CDK6: variants seen among roughly 807,000 people sequenced by gnomAD.
CDK6 encodes cyclin-dependent kinase 6.
A neutral mutation model predicts 37.1 loss-of-function variants in CDK6; 6 were observed. The observed-to-expected ratio is 0.16, with a 90% CI of 0.09 to 0.32. The LOEUF (loss-of-function observed/expected upper bound fraction) is 0.32, where lower values mean the gene tolerates loss of function less well. Ranked by LOEUF, CDK6 falls within the 10% of genes least tolerant of loss-of-function variation. CDK6 has a pLI of 1.00. For missense variants in CDK6, 224 were observed against 418.9 expected (o/e 0.53, Z 4.06); for synonymous variants, 160 against 161.3 (o/e 0.99, Z 0.06).
At chr7:92,723,541 C>T (rs559825603) in intron 4 of CDK6, among the ~76,000 whole-genome samples, 67 of 152,168 alleles carry the variant, frequency 4.4e-4, no homozygotes, top group Non-Finnish European at 7.1e-4. Context: ...TATAAATCGA[C>T]GCATTACTAT....
intron 5 of CDK6, among the ~76,000 whole-genome samples, chr7:92,644,430 C>T (rs1289170428): frequency 1.3e-5 from 2 of 152,174 alleles, no homozygotes; most frequent in Non-Finnish European, 2.9e-5. Context: ...TGGCTGTGTA[C>T]TCTCTTCATG....
intron 3 of CDK6, among the ~76,000 whole-genome samples, chr7:92,735,161 A>G (rs1798755228): frequency 6.6e-6 from 1 of 152,240 alleles, no homozygotes; most frequent in South Asian, 2.1e-4. Flanking sequence ...CTCTTACTCC[A>G]GTGTTACTAA....
At chr7:92,769,840 T>C (rs1799667640) in intron 3 of CDK6, among the ~76,000 whole-genome samples, 1 of 151,960 alleles carries the variant, frequency 6.6e-6, no homozygotes, top group South Asian at 2.1e-4. Flanking sequence ...GATGAAAGCA[T>C]GAAAGAGAAA....
intron 2 of CDK6, among the ~76,000 whole-genome samples, chr7:92,817,273 A>T (rs1351422433): frequency 6.6e-6 from 1 of 152,018 alleles, no homozygotes; most frequent in Non-Finnish European, 1.5e-5. Flanking sequence ...AATATTCTTA[A>T]CAAAATTTTA....
At chr7:92,726,390 T>C (rs1798513209) in intron 3 of CDK6, among the ~76,000 whole-genome samples, 2 of 152,266 alleles carry the variant, frequency 1.3e-5, no homozygotes, top group South Asian at 4.1e-4. Flanking sequence ...CCCAAAGTCA[T>C]ACTAGCAAGA....
chr7:92,718,099 C>A (rs1225570621), intron 4 of CDK6, among the ~76,000 whole-genome samples: 1 of 152,196 alleles, frequency 6.6e-6, no homozygotes, highest in African/African-American at 2.4e-5. Context: ...GCACTGCCCC[C>A]ATTGTGTTCC....
intron 5 of CDK6, among the ~76,000 whole-genome samples, chr7:92,628,258 G>A (rs532282830): frequency 8.6e-5 from 13 of 151,318 alleles, no homozygotes; most frequent in South Asian, 8.3e-4. Context: ...TCTATACTGC[G>A]TTTTATGAGT....
rs776722264 is a variant in CDK6, at chr7:92,611,561, G to C, written c.*3579C>G. 2.3e-4 allele frequency: 52 copies of C among 228,054 alleles called. No individual in the cohort carries two copies. Among genetic ancestry groups the C allele is most frequent in the Admixed American group, 7.4e-4 (13 of 17,622 alleles). The allele number at this position is 228,054 out of a possible 1,614,324, so 14.1% of individuals were successfully genotyped here. A position where few individuals can be genotyped will look rare whatever the true frequency, so the allele number is the denominator to read the frequency against. On this transcript the variant is annotated 3_prime_UTR_variant, in exon 8 of 8. Coordinates refer to ENST00000424848, the MANE Select transcript of CDK6 (RefSeq NM_001145306.2). ...ATAATGGCCATTACTGACTTTAATA[G>C]GCACCACTTGTAAAAGAAGCAGCTA... is the stretch of plus-strand genomic sequence containing the variant.
intron 2 of CDK6, among the ~76,000 whole-genome samples, chr7:92,811,317 G>T (rs1800878166): frequency 3.9e-5 from 6 of 152,058 alleles, no homozygotes. Context: ...CCCCAATGTA[G>T]CAGGGTACTT....
chr7:92,624,635 A>G (rs913960991), intron 5 of CDK6, among the ~76,000 whole-genome samples: 1 of 152,190 alleles, frequency 6.6e-6, no homozygotes, highest in African/African-American at 2.4e-5. Flanking sequence ...CCAAATTCAT[A>G]AAGAATCACG....
At chr7:92,722,045 A>G (rs1295812350) in intron 4 of CDK6, among the ~76,000 whole-genome samples, 1 of 152,188 alleles carries the variant, frequency 6.6e-6, no homozygotes, top group Non-Finnish European at 1.5e-5. Flanking sequence ...ACTTAAAATG[A>G]AAATAAATAC....
intron 4 of CDK6, among the ~76,000 whole-genome samples, chr7:92,692,111 ACAAAATTAG>A (rs1377141015): frequency 2.0e-5 from 3 of 151,992 alleles, no homozygotes; most frequent in Admixed American, 2.0e-4. Context: ...CTATTAAAAT[ACAAAATTAG>A]CCAGGCATGG....
At chr7:92,825,540 C>G (rs528575142) in intron 2 of CDK6, among the ~76,000 whole-genome samples, 14 of 152,162 alleles carry the variant, frequency 9.2e-5, no homozygotes, top group African/African-American at 3.4e-4. Flanking sequence ...AAGTATACTT[C>G]TTAATTAAAC....
rs559226165 is a variant in CDK6, at chr7:92,612,951, C to A, written c.*2189G>T. The A allele has an allele frequency of 4.5e-4, 104 of 233,108 alleles. No homozygotes were observed. Among genetic ancestry groups the A allele is most frequent in the African/African-American group, 2.2e-3 (102 of 45,454 alleles). 14.4% of individuals were successfully genotyped at this position (233,108 alleles called of 1,614,324 possible). A position where few individuals can be genotyped will look rare whatever the true frequency, so the allele number is the denominator to read the frequency against. On this transcript the variant is annotated 3_prime_UTR_variant, in exon 8 of 8. Transcript: ENST00000424848. ...CCTCGATCAAAGGAAAGGCAGAACT[C>A]ACTTTTCCATGTGAGACTTTGAGTA...
In CDK6 at chr7:92,605,006, G is replaced by T. The variant is rs934303793; in HGVS notation, c.*10134C>A. 1.3e-5 allele frequency: 3 copies of T among 225,424 alleles called. No individual in the cohort carries two copies. The Admixed American group carries it at 1.7e-4, about 13-fold the overall frequency. 14.0% of individuals were successfully genotyped at this position (225,424 alleles called of 1,614,324 possible). A position where few individuals can be genotyped will look rare whatever the true frequency, so the allele number is the denominator to read the frequency against. On this transcript the variant is annotated 3_prime_UTR_variant, in exon 8 of 8. Coordinates refer to ENST00000424848, the MANE Select transcript of CDK6 (RefSeq NM_001145306.2). ...AAAGTAAAAAAGAAAATAGCCAGGA[G>T]AGTAATTCATCTCCAGAAAGCAGTT...
At chr7:92,660,429 G>C (rs1322853598) in intron 5 of CDK6, among the ~76,000 whole-genome samples, 1 of 152,164 alleles carries the variant, frequency 6.6e-6, no homozygotes, top group Non-Finnish European at 1.5e-5. Flanking sequence ...GGGGCCAAAA[G>C]GTAGGTCTCT....
At chr7:92,759,812 A>T (rs768432924) in intron 3 of CDK6, among the ~76,000 whole-genome samples, 1 of 151,984 alleles carries the variant, frequency 6.6e-6, no homozygotes, top group Non-Finnish European at 1.5e-5. Flanking sequence ...AGAAATGTAT[A>T]TTGTCCTTGA....
intron 5 of CDK6, among the ~76,000 whole-genome samples, chr7:92,663,513 A>G (rs1796882842): frequency 6.6e-6 from 1 of 151,958 alleles, no homozygotes; most frequent in Non-Finnish European, 1.5e-5. Flanking sequence ...CAGCCTAGGC[A>G]ACAACAGCGA....
chr7:92,686,020 T>C (rs1797443469), intron 4 of CDK6, among the ~76,000 whole-genome samples: 1 of 152,210 alleles, frequency 6.6e-6, no homozygotes, highest in Admixed American at 6.5e-5. Context: ...GTGTTGCCCA[T>C]TTCTAGAATT....
Sources: gnomAD v4.1 joint callset for allele counts (sites outside exome capture counted in the v4.1 genomes callset) on GRCh38, gnomAD v4.1.1 for gene constraint, MANE v1.5 for transcripts, NCBI Gene and HGNC (gene_info 2026-07-23, HGNC 2026-07-21) for gene names.